ASCC3: variants seen among roughly 807,000 people sequenced by gnomAD.
ASCC3 encodes activating signal cointegrator 1 complex subunit 3.
In ASCC3, 158 loss-of-function variants were observed where a neutral mutation model predicts 256.3. The observed-to-expected ratio is 0.62, with a 90% CI of 0.54 to 0.70. ASCC3 has a LOEUF of 0.70. ASCC3 is among the 30% of genes least tolerant of loss of function. ASCC3 has a pLI of 0.00. For synonymous variants in ASCC3, 948 were observed against 883.4 expected (o/e 1.07, Z -1.30); for missense variants, 2,259 against 2,626.0 (o/e 0.86, Z 3.05).
chr6:100,593,328 A>C (rs1772101495), intron 34 of ASCC3, among the ~76,000 whole-genome samples: 1 of 152,142 alleles, frequency 6.6e-6, no homozygotes, highest in African/African-American at 2.4e-5. Context: ...GGAAAAAGTC[A>C]TAACAAACCT....
At chr6:100,861,879 A>C (rs1773241580) in intron 3 of ASCC3, among the ~76,000 whole-genome samples, 1 of 152,172 alleles carries the variant, frequency 6.6e-6, no homozygotes, top group South Asian at 2.1e-4. Context: ...CAGAGAAAGC[A>C]ATCTAAAGGG....
chr6:100,851,823 A>AT (rs1479190723), intron 3 of ASCC3, among the ~76,000 whole-genome samples: 1 of 152,224 alleles, frequency 6.6e-6, no homozygotes, highest in Non-Finnish European at 1.5e-5. Flanking sequence ...CACAACAGAA[A>AT]TAATGACTAC....
At chr6:100,744,391 G>C (rs1780572651) in intron 10 of ASCC3, among the ~76,000 whole-genome samples, 1 of 152,084 alleles carries the variant, frequency 6.6e-6, no homozygotes, top group Non-Finnish European at 1.5e-5. Flanking sequence ...CAATTTCTGT[G>C]CCTAAATATG....
intron 37 of ASCC3, among the ~76,000 whole-genome samples, chr6:100,527,329 T>C (rs1030658276): frequency 2.9e-4 from 44 of 152,192 alleles, no homozygotes. Context: ...TTGGTCTAAT[T>C]ATAAGCATTT....
chr6:100,589,261 C>T (rs1460766768), intron 36 of ASCC3, among the ~76,000 whole-genome samples: 1 of 151,978 alleles, frequency 6.6e-6, no homozygotes, highest in Non-Finnish European at 1.5e-5. Context: ...AGTAGCATCA[C>T]AGCTAAGTAT....
In ASCC3 at chr6:100,644,098, AT is replaced by A. The variant is rs1362014982; in HGVS notation, c.3664del (p.Ile1222PhefsTer3). 6.2e-7 allele frequency: 1 copy of A among 1,612,824 alleles called. No homozygotes were observed. Among genetic ancestry groups the A allele is most frequent in the Non-Finnish European group, 8.5e-7 (1 of 1,179,316 alleles). On this transcript the variant is annotated frameshift_variant, in exon 23 of 42. Coordinates refer to ENST00000369162, the MANE Select transcript of ASCC3 (RefSeq NM_006828.4). LOFTEE classifies it high-confidence loss of function. ...VHGTVGEPWW[I>X]WVEDPTNDHI... ...ATCATTTGTAGGATCTTCTACCCAA[AT>A]CCACCAAGGTTCTCCTACTGTCCCA... is the stretch of plus-strand genomic sequence containing the variant.
chr6:100,538,025 T>A (rs1384571516), intron 37 of ASCC3, among the ~76,000 whole-genome samples: 1 of 152,004 alleles, frequency 6.6e-6, no homozygotes, highest in African/African-American at 2.4e-5. Flanking sequence ...TAGATTATTA[T>A]ATGGCTTTTG....
rs10696130 is a variant in ASCC3, at chr6:100,681,725, C to CAAAAAAAAAAAAAAAA, written c.2152-1989_2152-1974dup. Among the ~76,000 whole-genome samples, 13 of 58,656 alleles carry CAAAAAAAAAAAAAAAA rather than the reference C, an allele frequency of 2.2e-4. 1 individual carries two copies. The East Asian group carries it at 4.7e-3, about 21-fold the overall frequency. 38.5% of individuals were successfully genotyped at this position (58,656 alleles called of 152,430 possible). On this transcript the variant is annotated intron_variant, in intron 13 of 41. Transcript: ENST00000369162. Reference sequence around the variant, plus strand: ...CTGGCAACAGAGCGAGACTCCGTCTCAAAAAAAAAAAAAAAAAAAAAAGAA... The same window carrying CAAAAAAAAAAAAAAAA: ...CTGGCAACAGAGCGAGACTCCGTCTCAAAAAAAAAAAAAAAAAAAAAAAAAAAAAAAAAAAAAAGAA...
intron 4 of ASCC3, 59 bp downstream of exon 4, chr6:100,848,089 A>C (rs1772468704): frequency 1.4e-6 from 2 of 1,465,036 alleles, no homozygotes; most frequent in Non-Finnish European, 1.8e-6. Context: ...TGTTTAAAAA[A>C]CACTATTTCA....
At chr6:100,878,970 T>A (rs1363971358) in intron 1 of ASCC3, among the ~76,000 whole-genome samples, 1 of 152,198 alleles carries the variant, frequency 6.6e-6, no homozygotes, top group Non-Finnish European at 1.5e-5. Flanking sequence ...CCACTTCTGA[T>A]GCCAATTACA....
At chr6:100,543,313 C>A (rs1011074911) in intron 36 of ASCC3, among the ~76,000 whole-genome samples, 2 of 152,008 alleles carry the variant, frequency 1.3e-5, no homozygotes, top group African/African-American at 4.8e-5. Context: ...AGTACAAATG[C>A]AGCCATTTTT....
Position 100,540,243 on chromosome 6 carries a change from G to A in ASCC3, c.5695C>T (p.Leu1899Phe). The change falls in exon 37 of 42, where the codon CTC becomes TTC. Residue 1899 changes from leucine to phenylalanine, a missense_variant. By Grantham distance (22) the Leu-to-Phe change is conservative. This residue lies in a region of ASCC3 where 1,839 missense variants were observed against 2,206.7 expected (regional missense o/e 0.83). Transcript: ENST00000369162. ...GGGCAGGGTAGCATGGCTCGGCTGA[G>A]ATGTGCCTGTAGCAGGAGATGTGCT... is the stretch of plus-strand genomic sequence containing the variant. Reference protein sequence around the residue: ...TKAHLLLQAHLSRAMLPCPDY... With the variant: ...TKAHLLLQAHFSRAMLPCPDY... 6.2e-7 allele frequency: 1 copy of A among 1,614,106 alleles called. No homozygotes were observed. The highest frequency in any genetic ancestry group is 8.5e-7 in the Non-Finnish European group (1 of 1,180,008).
chr6:100,583,080 ATC>A (rs1771404604), intron 36 of ASCC3, among the ~76,000 whole-genome samples: 1 of 152,216 alleles, frequency 6.6e-6, no homozygotes. Flanking sequence ...AGGCTTTGGT[ATC>A]AGGATGATGC....
At chr6:100,636,651 T>C (rs1162064169) in intron 25 of ASCC3, among the ~76,000 whole-genome samples, 1 of 152,132 alleles carries the variant, frequency 6.6e-6, no homozygotes, top group Non-Finnish European at 1.5e-5. Context: ...ACCAAGGAGT[T>C]AGCCAAGTTT....
chr6:100,519,945 A>T (rs1774219662), intron 37 of ASCC3, among the ~76,000 whole-genome samples: 1 of 152,142 alleles, frequency 6.6e-6, no homozygotes, highest in Non-Finnish European at 1.5e-5. Context: ...TCTTGTTTAA[A>T]TTTAGAGAAA....
chr6:100,542,957 TA>T (rs1775537181), intron 36 of ASCC3, among the ~76,000 whole-genome samples: 1 of 152,058 alleles, frequency 6.6e-6, no homozygotes, highest in Admixed American at 6.5e-5. Flanking sequence ...TATCACTCAA[TA>T]CAAAATGATT....
chr6:100,857,476 T>A (rs1487697145), intron 3 of ASCC3: 4 of 152,202 alleles, frequency 2.6e-5, no homozygotes, highest in Admixed American at 2.6e-4. Flanking sequence ...AAGACACTCT[T>A]TTACATCTTT....
chr6:100,806,580 G>A (rs9404053), intron 4 of ASCC3, among the ~76,000 whole-genome samples: 83,137 of 151,472 alleles, frequency 0.55, 23,188 homozygotes, highest in South Asian at 0.75. Flanking sequence ...GAAGATACAT[G>A]TATATATTTC....
intron 4 of ASCC3, among the ~76,000 whole-genome samples, chr6:100,840,143 T>C (rs2114482426): frequency 6.6e-6 from 1 of 152,218 alleles, no homozygotes; most frequent in South Asian, 2.1e-4. Flanking sequence ...AATGGGCATA[T>C]CACTTTAGAG....
Sources: gnomAD v4.1 joint callset for allele counts (sites outside exome capture counted in the v4.1 genomes callset) on GRCh38, gnomAD v4.1.1 for gene constraint, gnomAD v4.1.1 regional missense constraint, MANE v1.5 for transcripts, NCBI Gene and HGNC (gene_info 2026-07-23, HGNC 2026-07-21) for gene names.